The following KCNQ5 variants were observed in gnomAD, a reference collection of about 807,000 sequenced individuals.
The protein encoded by KCNQ5 is potassium voltage-gated channel subfamily KQT member 5.
A neutral mutation model predicts 98.2 loss-of-function variants in KCNQ5; 30 were observed. The ratio of observed to expected loss-of-function variants is 0.31; its 90% CI spans 0.23 to 0.41. The LOEUF (loss-of-function observed/expected upper bound fraction) is 0.41, where lower values mean the gene tolerates loss of function less well. KCNQ5 is among the 10% of genes least tolerant of loss of function. KCNQ5 has a pLI of 1.00. For missense variants in KCNQ5, 835 were observed against 1,182.5 expected, an observed-to-expected ratio of 0.71 and a Z score of 4.31; for synonymous variants, 458 against 449.4, an observed-to-expected ratio of 1.02 and a Z score of -0.24.
In KCNQ5 at chr6:72,753,233, A is replaced by T. The variant is rs537370465; in HGVS notation, c.398+130646A>T. Among the ~76,000 whole-genome samples the T allele has an allele frequency of 5.3e-5, 8 of 151,982 alleles. No individual in the cohort carries two copies. The South Asian group carries it at 1.7e-3, about 32-fold the overall frequency. Reference sequence around the variant, plus strand: ...AGCTTTTTATGATTGGCTTTTTTTCACTTGGCATAATGCTTTTAAGATGAA... The same window carrying T: ...AGCTTTTTATGATTGGCTTTTTTTCTCTTGGCATAATGCTTTTAAGATGAA... On this transcript the variant is annotated intron_variant, in intron 1 of 13. Coordinates refer to ENST00000370398, the MANE Select transcript of KCNQ5 (RefSeq NM_019842.4).
At chr6:73,145,880 G>C (rs1388156629) in intron 10 of KCNQ5, among the ~76,000 whole-genome samples, 1 of 152,176 alleles carries the variant, frequency 6.6e-6, no homozygotes, top group Non-Finnish European at 1.5e-5. Context: ...CATGTCAGAA[G>C]AGCGAAAGGG....
chr6:72,907,523 T>C (rs1779752163), intron 1 of KCNQ5, among the ~76,000 whole-genome samples: 1 of 152,188 alleles, frequency 6.6e-6, no homozygotes, highest in Admixed American at 6.5e-5. Context: ...TTATTAATCC[T>C]TCCTTTCTCT....
intron 1 of KCNQ5, among the ~76,000 whole-genome samples, chr6:72,867,866 A>C (rs1031036344): frequency 6.6e-6 from 1 of 151,916 alleles, no homozygotes; most frequent in Non-Finnish European, 1.5e-5. Flanking sequence ...GCCTCAACAC[A>C]CAAGACTTCA....
intron 1 of KCNQ5, among the ~76,000 whole-genome samples, chr6:72,874,790 C>T (rs1387989240): frequency 3.3e-5 from 5 of 152,132 alleles, no homozygotes; most frequent in Admixed American, 2.6e-4. Context: ...CATTGAGTTA[C>T]ACACTTCTCT....
intron 1 of KCNQ5, among the ~76,000 whole-genome samples, chr6:72,643,454 G>A (rs17692655): frequency 0.12 from 18,786 of 152,004 alleles, 1,274 homozygotes; most frequent in East Asian, 0.23. Context: ...AAATTCACAG[G>A]ACAAGTCTGC....
intron 1 of KCNQ5, among the ~76,000 whole-genome samples, chr6:72,794,252 G>A (rs1407410995): frequency 1.3e-5 from 2 of 151,936 alleles, no homozygotes; most frequent in Admixed American, 6.6e-5. Flanking sequence ...TAGCTATGGG[G>A]TTGTCTCAAA....
chr6:73,123,004 C>T (rs894902722), intron 8 of KCNQ5, among the ~76,000 whole-genome samples: 1 of 151,950 alleles, frequency 6.6e-6, no homozygotes, highest in African/African-American at 2.4e-5. Flanking sequence ...TAGCATTCAG[C>T]CTAAGAACTT....
At chr6:72,713,656 C>A (rs1011243335) in intron 1 of KCNQ5, among the ~76,000 whole-genome samples, 1 of 152,184 alleles carries the variant, frequency 6.6e-6, no homozygotes, top group Non-Finnish European at 1.5e-5. Context: ...AAGAGAACAT[C>A]AGTTAAGTTC....
chr6:72,775,732 A>C (rs1427498233), intron 1 of KCNQ5, among the ~76,000 whole-genome samples: 1 of 152,056 alleles, frequency 6.6e-6, no homozygotes, highest in Non-Finnish European at 1.5e-5. Flanking sequence ...CCTCCCCAAA[A>C]CCCATAACCC....
chr6:73,144,453 A>G (rs1459815723), intron 10 of KCNQ5, among the ~76,000 whole-genome samples: 1 of 152,206 alleles, frequency 6.6e-6, no homozygotes, highest in Non-Finnish European at 1.5e-5. Context: ...TGCGTCTTTC[A>G]TTAATCTAAT....
rs1258586331 is a variant in KCNQ5, at chr6:72,977,617, G to A, written c.399-26291G>A. 2.0e-5 allele frequency among the ~76,000 whole-genome samples: 3 copies of A among 152,162 alleles called. No individual in the cohort carries two copies. In the East Asian group the frequency reaches 5.8e-4, roughly 29 times the overall value. On this transcript the variant is annotated intron_variant, in intron 1 of 13. Transcript: ENST00000370398. ...CCATTGCTTTGGCTTGATGACTTTAGGGGTTTGGGGGTTTCACTTACAAAT... is the reference window on the plus strand; with the variant it reads ...CCATTGCTTTGGCTTGATGACTTTAAGGGTTTGGGGGTTTCACTTACAAAT...
At chr6:72,783,930 G>T (rs1561980951) in intron 1 of KCNQ5, among the ~76,000 whole-genome samples, 2 of 152,154 alleles carry the variant, frequency 1.3e-5, no homozygotes, top group South Asian at 2.1e-4. Context: ...AGATGACAAG[G>T]CTTGTGTGGG....
chr6:72,732,467 G>C (rs189160322), intron 1 of KCNQ5, among the ~76,000 whole-genome samples: 1 of 152,304 alleles, frequency 6.6e-6, no homozygotes, highest in East Asian at 1.9e-4. Flanking sequence ...TGCCCAGCAA[G>C]AACAGAGTGT....
At chr6:73,073,978 G>A (rs1177874937) in intron 3 of KCNQ5, among the ~76,000 whole-genome samples, 1 of 152,094 alleles carries the variant, frequency 6.6e-6, no homozygotes, top group Non-Finnish European at 1.5e-5. Context: ...AAATTGAAGT[G>A]ATCCTTTGAT....
chr6:72,839,597 T>C (rs1776693382), intron 1 of KCNQ5, among the ~76,000 whole-genome samples: 1 of 152,216 alleles, frequency 6.6e-6, no homozygotes, highest in Admixed American at 6.5e-5. Context: ...CTGTGAACCA[T>C]CTCCCCTGCA....
intron 1 of KCNQ5, chr6:72,986,776 G>A: frequency 6.8e-7 from 1 of 1,474,688 alleles, no homozygotes; most frequent in Non-Finnish European, 9.5e-7. Flanking sequence ...AGGGTGAAGA[G>A]GAAACCAGAG....
At chr6:72,678,271 A>G (rs1170589348) in intron 1 of KCNQ5, 3 of 152,226 alleles carry the variant, frequency 2.0e-5, no homozygotes, top group Non-Finnish European at 4.4e-5. Flanking sequence ...TCAGCTCACC[A>G]TGTGCCAAAC....
chr6:73,022,050 T>C (rs1488316885), intron 2 of KCNQ5, among the ~76,000 whole-genome samples: 2 of 152,164 alleles, frequency 1.3e-5, no homozygotes, highest in Admixed American at 1.3e-4. Context: ...ATAACATGAG[T>C]CTGTAGCCAA....
chr6:72,970,561 CA>C (rs796853567), intron 1 of KCNQ5, among the ~76,000 whole-genome samples: 5 of 152,158 alleles, frequency 3.3e-5, no homozygotes, highest in African/African-American at 1.2e-4. Flanking sequence ...GCCAAAAGAA[CA>C]AAGCTGGAGG....
Sources: gnomAD v4.1 joint callset for allele counts (sites outside exome capture counted in the v4.1 genomes callset) on GRCh38, gnomAD v4.1.1 for gene constraint, MANE v1.5 for transcripts, NCBI Gene and HGNC (gene_info 2026-07-23, HGNC 2026-07-21) for gene names.